PVT1: variants seen among roughly 807,000 people sequenced by gnomAD.
PVT1 encodes CXCR4/PVT1 fusion.
chr8:127,801,950 C>G (rs1814469741), intron 2 of PVT1, among the ~76,000 whole-genome samples: 1 of 151,834 alleles, frequency 6.6e-6, no homozygotes, highest in Admixed American at 6.6e-5. Flanking sequence ...AGAGTCTCAC[C>G]TGTTGCCCAG....
At position 128,055,693 on chromosome 8, in the gene PVT1, G is replaced by A. The variant is rs117851836; in HGVS notation, n.913-14467G>A. Among the ~76,000 whole-genome samples the A allele has an allele frequency of 8.6e-4, 131 of 152,344 alleles. 1 individual carries two copies. In the East Asian group the frequency reaches 0.022, roughly 26 times the overall value. On this transcript the variant is annotated intron_variant and non_coding_transcript_variant, in intron 4 of 10. Coordinates refer to ENST00000651587, the Ensembl canonical transcript of PVT1. ...CCACATGGGAGCATTTGGAATCGGT[G>A]TGTGGCTGCATTAAATTAGGAGTCT...
intron 4 of PVT1, among the ~76,000 whole-genome samples, chr8:128,049,674 TG>T (rs1487655967): frequency 1.3e-5 from 2 of 152,258 alleles, no homozygotes; most frequent in Admixed American, 1.3e-4. Context: ...ACTGGCAGGA[TG>T]GGAAGGCAGG....
chr8:127,880,886 A>G (rs1380907676), intron 2 of PVT1, among the ~76,000 whole-genome samples: 1 of 152,350 alleles, frequency 6.6e-6, no homozygotes, highest in East Asian at 1.9e-4. Context: ...GGCGTGAGCC[A>G]CTGCGCTCAG....
At chr8:128,044,532 C>T (rs899609432) in intron 4 of PVT1, among the ~76,000 whole-genome samples, 20 of 152,164 alleles carry the variant, frequency 1.3e-4, no homozygotes, top group African/African-American at 4.6e-4. Flanking sequence ...GCCCAGAGCC[C>T]ATGCTCTAAT....
intron 3 of PVT1, among the ~76,000 whole-genome samples, chr8:127,897,962 AGAAG>A (rs1476346018): frequency 6.0e-5 from 9 of 149,100 alleles, no homozygotes; most frequent in East Asian, 4.0e-4. Flanking sequence ...AAGGAAGGAA[AGAAG>A]GAAGGAAGGA....
chr8:128,045,475 C>T (rs1813599839), intron 4 of PVT1, among the ~76,000 whole-genome samples: 1 of 152,188 alleles, frequency 6.6e-6, no homozygotes, highest in Non-Finnish European at 1.5e-5. Context: ...GAAACTGATG[C>T]ATAAGTGTTA....
intron 2 of PVT1, among the ~76,000 whole-genome samples, chr8:127,849,438 G>A (rs956779770): frequency 6.6e-6 from 1 of 152,128 alleles, no homozygotes; most frequent in African/African-American, 2.4e-5. Flanking sequence ...TTCCCAGGAG[G>A]TGGAAAGACT....
intron 3 of PVT1, among the ~76,000 whole-genome samples, chr8:127,944,675 C>G (rs1816398178): frequency 6.6e-6 from 1 of 152,030 alleles, no homozygotes; most frequent in South Asian, 2.1e-4. Context: ...GCAGCTGATA[C>G]CGAGGAGGAG....
intron 4 of PVT1, among the ~76,000 whole-genome samples, chr8:128,038,645 A>G (rs1813492557): frequency 6.6e-6 from 1 of 152,130 alleles, no homozygotes; most frequent in Non-Finnish European, 1.5e-5. Context: ...AGATTCATTG[A>G]CAGGGCCCAG....
intron 2 of PVT1, among the ~76,000 whole-genome samples, chr8:127,847,227 T>TTGGCCATGGCGCC (rs6150804): frequency 2.0e-5 from 3 of 151,508 alleles, no homozygotes; most frequent in African/African-American, 7.3e-5. Flanking sequence ...AGTCGAACTC[T>TTGGCCATGGCGCC]TGGCCCCAAA....
chr8:127,968,940 A>G (rs919929759), intron 3 of PVT1, among the ~76,000 whole-genome samples: 8 of 152,192 alleles, frequency 5.3e-5, no homozygotes, highest in Admixed American at 6.5e-5. Flanking sequence ...GTTTCCCCTC[A>G]GAGGCTTCAC....
chr8:127,872,495 C>G (rs1318260488), intron 2 of PVT1, among the ~76,000 whole-genome samples: 1 of 152,102 alleles, frequency 6.6e-6, no homozygotes, highest in Non-Finnish European at 1.5e-5. Flanking sequence ...GATGGATGCC[C>G]CATTTACCCT....
chr8:127,946,475 C>G lies in PVT1; in HGVS notation n.783-42687C>G, dbSNP rs924651263. ...GTGGTCATCTCCATTGCTCTGGTAACTAGTTTGTGTCTGAGAAAGTGCTGA... is the reference window on the plus strand; with the variant it reads ...GTGGTCATCTCCATTGCTCTGGTAAGTAGTTTGTGTCTGAGAAAGTGCTGA... On this transcript the variant is annotated intron_variant and non_coding_transcript_variant, in intron 3 of 10. Transcript: ENST00000651587. The G allele has an allele frequency of 2.0e-5, 3 of 152,152 alleles. No homozygotes were observed. The East Asian group carries it at 5.8e-4, about 29-fold the overall frequency. 9.4% of individuals were successfully genotyped at this position (152,152 alleles called of 1,614,324 possible).
chr8:127,822,726 A>G (rs554339495), intron 2 of PVT1, among the ~76,000 whole-genome samples: 6 of 152,332 alleles, frequency 3.9e-5, no homozygotes, highest in Admixed American at 1.3e-4. Context: ...GGCCAGAGAT[A>G]AGAAGGACAT....
chr8:128,095,235 G>A lies in PVT1; in HGVS notation n.1115-1283G>A, dbSNP rs569739163. Among the ~76,000 whole-genome samples the A allele has an allele frequency of 6.6e-5, 10 of 152,288 alleles. No individual in the cohort carries two copies. In the East Asian group the frequency reaches 1.9e-3, roughly 29 times the overall value. ...GGAATCCCAGCTGTGCCCCTCACAAGTTCTAGGATTCGTACCTTTTGCTTT... is the reference window on the plus strand; with the variant it reads ...GGAATCCCAGCTGTGCCCCTCACAAATTCTAGGATTCGTACCTTTTGCTTT... On this transcript the variant is annotated intron_variant and non_coding_transcript_variant, in intron 5 of 10. Transcript: ENST00000651587.
intron 5 of PVT1, chr8:128,096,426 GT>G (rs1814429532): frequency 6.6e-6 from 1 of 152,184 alleles, no homozygotes; most frequent in African/African-American, 2.4e-5. Context: ...AGGGGGCCCT[GT>G]CCCCTGTACC....
At chr8:127,980,654 C>T (rs1028178354) in intron 3 of PVT1, among the ~76,000 whole-genome samples, 16 of 152,214 alleles carry the variant, frequency 1.1e-4, no homozygotes, top group African/African-American at 3.9e-4. Flanking sequence ...GAGCCTGGAA[C>T]TTCCCCAGGT....
Position 127,898,067 on chromosome 8 carries a change from AAAAGAAAAG to A in PVT1, n.782+7079_782+7087del, listed in dbSNP as rs1367654345. Among the ~76,000 whole-genome samples, 4 of 150,512 alleles carry A rather than the reference AAAAGAAAAG, an allele frequency of 2.7e-5. No homozygotes were observed. The highest frequency in any genetic ancestry group is 5.9e-5 in the Non-Finnish European group (4 of 67,610). On this transcript the variant is annotated intron_variant and non_coding_transcript_variant, in intron 3 of 10. Coordinates refer to ENST00000651587, the Ensembl canonical transcript of PVT1. This position sits in a 1 kb window ranked among gnomAD's most constrained non-coding sequence, Gnocchi z 4.4. ...GTCCTTTGTACCTGCGTGAAGAAAGAAAAGAAAAGAAAGAAAAGGGAAGGAAGGAAGGAA... is the reference window on the plus strand; with the variant it reads ...GTCCTTTGTACCTGCGTGAAGAAAGAAAAGAAAAGGGAAGGAAGGAAGGAA...
intron 4 of PVT1, among the ~76,000 whole-genome samples, chr8:127,990,542 T>A (rs1003942697): frequency 1.3e-5 from 2 of 152,168 alleles, no homozygotes; most frequent in Non-Finnish European, 2.9e-5. Context: ...AAAAGGAAAC[T>A]GACATGATTC....
Sources: allele counts gnomAD v4.1 joint callset (sites outside exome capture counted in the v4.1 genomes callset), GRCh38; gene constraint gnomAD v4.1.1; non-coding constraint Gnocchi (gnomAD v3.1); transcripts MANE v1.5; gene names NCBI Gene and HGNC (gene_info 2026-07-23, HGNC 2026-07-21).